The following MARCHF4 variants were observed in gnomAD, a reference collection of about 807,000 sequenced individuals.
The protein encoded by MARCHF4 is membrane associated ring-CH-type finger 4, also known as E3 ubiquitin-protein ligase MARCHF4.
MARCHF4 carries 14 observed loss-of-function variants against 43.9 expected under a neutral mutation model. That is an observed-to-expected ratio of 0.32 (90% CI 0.21 to 0.50). MARCHF4 has a LOEUF of 0.50. MARCHF4 is among the 20% of genes least tolerant of loss of function. MARCHF4 has a pLI of 0.98. For missense variants in MARCHF4, 468 were observed against 536.7 expected, an observed-to-expected ratio of 0.87 and a Z score of 1.27; for synonymous variants, 226 against 213.3, an observed-to-expected ratio of 1.06 and a Z score of -0.52.
In MARCHF4 at chr2:216,344,265, A is replaced by AAAC. The variant is rs558894416; in HGVS notation, c.516+25479_516+25480insGTT. Among the ~76,000 whole-genome samples the AAAC allele has an allele frequency of 5.3e-3, 804 of 152,054 alleles. 8 individuals carry two copies. The highest frequency in any genetic ancestry group is 0.018 in the African/African-American group (746 of 41,432). ...AACAGAAACAAACAAACAAACAAAC[A>AAAC]AAAAAACATGTGACAATACTTGCTC... On this transcript the variant is annotated intron_variant, in intron 1 of 3. Coordinates refer to ENST00000273067, the MANE Select transcript of MARCHF4 (RefSeq NM_020814.3).
chr2:216,302,619 C>T (rs926047105), intron 1 of MARCHF4, among the ~76,000 whole-genome samples: 5 of 151,508 alleles, frequency 3.3e-5, no homozygotes, highest in Admixed American at 6.6e-5. Flanking sequence ...AATTTTAGGC[C>T]GGGTGTGGTG....
chr2:216,350,621 C>T (rs931437542), intron 1 of MARCHF4, among the ~76,000 whole-genome samples: 3 of 152,156 alleles, frequency 2.0e-5, no homozygotes, highest in Non-Finnish European at 2.9e-5. Context: ...CCCTTCTCCC[C>T]CACCTCTCTG....
At chr2:216,353,427 C>G (rs1692431929) in intron 1 of MARCHF4, among the ~76,000 whole-genome samples, 1 of 152,212 alleles carries the variant, frequency 6.6e-6, no homozygotes, top group Non-Finnish European at 1.5e-5. Flanking sequence ...GAATTTATTT[C>G]TCCTGAAAGG....
intron 1 of MARCHF4, among the ~76,000 whole-genome samples, chr2:216,353,345 C>T (rs1375322681): frequency 2.0e-5 from 3 of 152,152 alleles, no homozygotes; most frequent in African/African-American, 7.2e-5. Flanking sequence ...TAGTCCTTTA[C>T]TGCAATATAT....
At chr2:216,325,297 T>TG (rs1691970541) in intron 1 of MARCHF4, among the ~76,000 whole-genome samples, 1 of 152,152 alleles carries the variant, frequency 6.6e-6, no homozygotes, top group Non-Finnish European at 1.5e-5. Context: ...TACAAACCAC[T>TG]GCTCAATGAA....
intron 1 of MARCHF4, among the ~76,000 whole-genome samples, chr2:216,363,912 G>A (rs1327778235): frequency 6.6e-6 from 1 of 152,162 alleles, no homozygotes; most frequent in African/African-American, 2.4e-5. Context: ...GAATTGGAGA[G>A]GCTGAGGGGA....
At chr2:216,313,145 C>A (rs1356826503) in intron 1 of MARCHF4, among the ~76,000 whole-genome samples, 1 of 152,090 alleles carries the variant, frequency 6.6e-6, no homozygotes, top group Non-Finnish European at 1.5e-5. Context: ...GTGTCCTTTC[C>A]CCATTGTTTA....
At chr2:216,299,387 C>A (rs998883882) in intron 1 of MARCHF4, among the ~76,000 whole-genome samples, 1 of 152,122 alleles carries the variant, frequency 6.6e-6, no homozygotes. Context: ...TCTGAGATGG[C>A]AAACTTTAGG....
At chr2:216,283,401 A>C (rs991396773) in intron 2 of MARCHF4, among the ~76,000 whole-genome samples, 173 bp downstream of exon 2, 8 of 151,862 alleles carry the variant, frequency 5.3e-5, no homozygotes, top group African/African-American at 1.9e-4. Context: ...AGAAAACACA[A>C]ATGTCCTTTC....
intron 1 of MARCHF4, among the ~76,000 whole-genome samples, chr2:216,328,484 C>T (rs1692031356): frequency 1.3e-5 from 2 of 152,236 alleles, no homozygotes; most frequent in African/African-American, 4.8e-5. Context: ...AACCACACAT[C>T]TGGCAGAACC....
intron 1 of MARCHF4, among the ~76,000 whole-genome samples, chr2:216,325,423 T>C (rs185345875): frequency 8.3e-4 from 127 of 152,318 alleles, no homozygotes; most frequent in Non-Finnish European, 1.3e-3. Context: ...GCTATCTCCA[T>C]CAAGCTACCA....
chr2:216,263,564 G>GAA lies in MARCHF4; in HGVS notation c.866-3887_866-3886dup, dbSNP rs1559280596. On this transcript the variant is annotated intron_variant, in intron 3 of 3. Coordinates refer to ENST00000273067, the MANE Select transcript of MARCHF4 (RefSeq NM_020814.3). ...AAGAGAGAGAGAGAAAGAAGAAAAA[G>GAA]AAAGAAAGAAAGAGAAAGAAAGAGA... is the stretch of plus-strand genomic sequence containing the variant. 8.5e-4 allele frequency among the ~76,000 whole-genome samples: 128 copies of GAA among 150,700 alleles called. 1 individual carries two copies. The highest frequency in any genetic ancestry group is 3.0e-3 in the African/African-American group (122 of 40,404).
intron 1 of MARCHF4, among the ~76,000 whole-genome samples, chr2:216,310,924 C>A (rs563805902): frequency 2.6e-5 from 4 of 152,154 alleles, no homozygotes; most frequent in Admixed American, 2.0e-4. Flanking sequence ...ACATTAACAT[C>A]ACAAGTGATG....
At chr2:216,344,271 AC>A (rs57830301) in intron 1 of MARCHF4, among the ~76,000 whole-genome samples, 351 of 152,220 alleles carry the variant, frequency 2.3e-3, no homozygotes, top group African/African-American at 7.7e-3. Flanking sequence ...AAACAAAAAA[AC>A]ATGTGACAAT....
chr2:216,287,360 T>A (rs1691232407), intron 1 of MARCHF4, among the ~76,000 whole-genome samples: 1 of 152,038 alleles, frequency 6.6e-6, no homozygotes, highest in South Asian at 2.1e-4. Context: ...CTGGGAGGAT[T>A]ACTGTGATCT....
intron 1 of MARCHF4, among the ~76,000 whole-genome samples, chr2:216,341,095 C>T (rs796505830): frequency 6.6e-5 from 10 of 152,312 alleles, no homozygotes; most frequent in African/African-American, 1.9e-4. Flanking sequence ...GGAAAGCAGT[C>T]ACTGGAACTA....
Position 216,259,258 on chromosome 2 carries a change from A to G in MARCHF4, c.*54T>C, listed in dbSNP as rs1331867963. 1.3e-6 allele frequency: 2 copies of G among 1,503,740 alleles called. No individual in the cohort carries two copies. The highest frequency in any genetic ancestry group is 1.8e-6 in the Non-Finnish European group (2 of 1,128,300). 93.1% of individuals were successfully genotyped at this position (1,503,740 alleles called of 1,614,324 possible). A position where few individuals can be genotyped will look rare whatever the true frequency, so the allele number is the denominator to read the frequency against. On this transcript the variant is annotated 3_prime_UTR_variant, in exon 4 of 4. Transcript: ENST00000273067. Reference sequence around the variant, plus strand: ...TCTGGGGGTGCCACTGCACCTCCCCACCCTGCTCCGGGCCCTCAGTGGTGG... The same window carrying G: ...TCTGGGGGTGCCACTGCACCTCCCCGCCCTGCTCCGGGCCCTCAGTGGTGG...
intron 1 of MARCHF4, among the ~76,000 whole-genome samples, chr2:216,297,830 G>T (rs777243627): frequency 4.6e-5 from 7 of 152,136 alleles, no homozygotes; most frequent in Non-Finnish European, 8.8e-5. Context: ...CCATTCAGCG[G>T]CATTGGTTGA....
intron 3 of MARCHF4, among the ~76,000 whole-genome samples, chr2:216,271,304 C>G (rs1411178625): frequency 6.6e-6 from 1 of 152,152 alleles, no homozygotes; most frequent in Non-Finnish European, 1.5e-5. Flanking sequence ...AATGCTAGTT[C>G]CTTTGCCTGA....
Sources: allele counts gnomAD v4.1 joint callset (sites outside exome capture counted in the v4.1 genomes callset), GRCh38; gene constraint gnomAD v4.1.1; transcripts MANE v1.5; gene names NCBI Gene and HGNC (gene_info 2026-07-23, HGNC 2026-07-21).